Variants in ME1 observed in about 807,000 individuals in gnomAD.
ME1 encodes malic enzyme 1.
In ME1, 74 loss-of-function variants were observed where a neutral mutation model predicts 66.4. The ratio of observed to expected loss-of-function variants is 1.11; its 90% CI spans 0.92 to 1.35. ME1 has a LOEUF of 1.35. ME1 is among the 40% of genes most tolerant of loss of function. The pLI, the probability that ME1 is intolerant of heterozygous loss-of-function variation, is 0.00. For missense variants in ME1, 750 were observed against 694.1 expected, an observed-to-expected ratio of 1.08 and a Z score of -0.90; for synonymous variants, 251 against 235.6, an observed-to-expected ratio of 1.07 and a Z score of -0.60.
intron 6 of ME1, among the ~76,000 whole-genome samples, chr6:83,283,193 A>G (rs1266019905): frequency 7.8e-6 from 1 of 128,616 alleles, no homozygotes; most frequent in Admixed American, 8.6e-5. Flanking sequence ...GCGCCACTGC[A>G]CTCCAGCCTG....
intron 1 of ME1, among the ~76,000 whole-genome samples, chr6:83,427,591 G>A (rs1020295676): frequency 1.3e-5 from 2 of 152,092 alleles, no homozygotes; most frequent in African/African-American, 4.8e-5. Context: ...GCTGAGTTCT[G>A]TTTAAAGACA....
At chr6:83,428,203 G>C (rs1352695356) in intron 1 of ME1, among the ~76,000 whole-genome samples, 1 of 152,096 alleles carries the variant, frequency 6.6e-6, no homozygotes, top group African/African-American at 2.4e-5. Context: ...AAAGAATTAA[G>C]AGATTCAGCA....
chr6:83,302,500 A>G (rs554124585), intron 6 of ME1, among the ~76,000 whole-genome samples: 2 of 152,318 alleles, frequency 1.3e-5, no homozygotes, highest in East Asian at 3.9e-4. Context: ...CATATATTAT[A>G]AAGGAAGAGA....
At chr6:83,281,670 G>C (rs1303335649) in intron 6 of ME1, among the ~76,000 whole-genome samples, 1 of 151,634 alleles carries the variant, frequency 6.6e-6, no homozygotes, top group African/African-American at 2.4e-5. Flanking sequence ...GCCGAGTGTG[G>C]TGGTGGGAGT....
intron 3 of ME1, among the ~76,000 whole-genome samples, chr6:83,397,985 G>T (rs1769769380): frequency 6.6e-6 from 1 of 152,104 alleles, no homozygotes; most frequent in African/African-American, 2.4e-5. Flanking sequence ...AAAGGTAGGG[G>T]GAGCGGGTTG....
intron 3 of ME1, among the ~76,000 whole-genome samples, chr6:83,364,551 T>C (rs1683463541): frequency 6.6e-6 from 1 of 152,210 alleles, no homozygotes; most frequent in Non-Finnish European, 1.5e-5. Flanking sequence ...TAAGCAGTTC[T>C]GGTTCCTTTT....
At chr6:83,410,173 C>T (rs1770023370) in intron 1 of ME1, among the ~76,000 whole-genome samples, 1 of 152,104 alleles carries the variant, frequency 6.6e-6, no homozygotes, top group South Asian at 2.1e-4. Flanking sequence ...GTGCTTACAA[C>T]AGTGCCTGAC....
In ME1 at chr6:83,392,804, T is replaced by C. The variant is rs912480333; in HGVS notation, c.362+5563A>G. On this transcript the variant is annotated intron_variant, in intron 3 of 13. Coordinates refer to ENST00000369705, the MANE Select transcript of ME1 (RefSeq NM_002395.6). ...TCTGCACCCTCTGCTGATGCCCCCA[T>C]GTTCGTGATGGGTGTGAACCATGAG... The C allele has an allele frequency of 1.8e-5, 13 of 720,058 alleles. No homozygotes were observed. The African/African-American group carries it at 2.1e-4, about 12-fold the overall frequency. 44.6% of individuals were successfully genotyped at this position (720,058 alleles called of 1,614,324 possible). A position where few individuals can be genotyped will look rare whatever the true frequency, so the allele number is the denominator to read the frequency against.
intron 1 of ME1, among the ~76,000 whole-genome samples, chr6:83,409,371 T>G (rs1770004327): frequency 6.6e-6 from 1 of 152,194 alleles, no homozygotes; most frequent in Non-Finnish European, 1.5e-5. Flanking sequence ...CCCTGAAAGC[T>G]TCTTGCAATG....
chr6:83,348,481 T>C (rs2128544100), intron 4 of ME1, among the ~76,000 whole-genome samples: 1 of 152,278 alleles, frequency 6.6e-6, no homozygotes, highest in South Asian at 2.1e-4. Context: ...ATATTGTCAT[T>C]TAGCTTAGTT....
chr6:83,392,617 G>C (rs1306285503), intron 3 of ME1: 1 of 577,708 alleles, frequency 1.7e-6, no homozygotes, highest in Non-Finnish European at 3.3e-6. Flanking sequence ...CGGGAAGCTT[G>C]TTATCAATGG....
At chr6:83,260,680 T>C (rs990896586) in intron 6 of ME1, among the ~76,000 whole-genome samples, 3 of 152,314 alleles carry the variant, frequency 2.0e-5, no homozygotes, top group Admixed American at 1.3e-4. Context: ...CTCCCACTTA[T>C]AAGTGAGAAC....
At chr6:83,312,032 C>G (rs1170346) in intron 6 of ME1, among the ~76,000 whole-genome samples, 1 of 151,936 alleles carries the variant, frequency 6.6e-6, no homozygotes, top group Non-Finnish European at 1.5e-5. Context: ...ATTTTTAGAC[C>G]CAGAACCCAT....
intron 1 of ME1, among the ~76,000 whole-genome samples, chr6:83,414,501 C>T (rs1770122273): frequency 6.6e-6 from 1 of 152,056 alleles, no homozygotes; most frequent in Admixed American, 6.6e-5. Flanking sequence ...CTAAAATTTA[C>T]AGCAAAATAT....
chr6:83,297,838 T>C (rs756225452), intron 6 of ME1, among the ~76,000 whole-genome samples: 2 of 152,150 alleles, frequency 1.3e-5, no homozygotes, highest in Non-Finnish European at 2.9e-5. Flanking sequence ...CTGTGTAAGT[T>C]TGCTGAGGAT....
chr6:83,294,819 T>G (rs571357952), intron 6 of ME1, among the ~76,000 whole-genome samples: 2 of 152,136 alleles, frequency 1.3e-5, no homozygotes, highest in South Asian at 4.1e-4. Flanking sequence ...GCAATTGCAC[T>G]GATAGATTGC....
intron 2 of ME1, among the ~76,000 whole-genome samples, chr6:83,406,983 C>T (rs1769957664): frequency 6.6e-6 from 1 of 151,666 alleles, no homozygotes; most frequent in Non-Finnish European, 1.5e-5. Context: ...CACACACACA[C>T]ACACACACAC....
At chr6:83,233,001 G>A (rs868002305) in intron 9 of ME1, among the ~76,000 whole-genome samples, 7 of 152,148 alleles carry the variant, frequency 4.6e-5, no homozygotes, top group Admixed American at 2.6e-4. Context: ...TCGATCCTTC[G>A]TAAGGTCTGT....
chr6:83,318,145 A>C (rs1768072378), intron 5 of ME1, among the ~76,000 whole-genome samples: 1 of 149,772 alleles, frequency 6.7e-6, no homozygotes, highest in Non-Finnish European at 1.5e-5. Context: ...TTATACAAAA[A>C]TCAATTCAAG....
Sources: gnomAD v4.1 joint callset for allele counts (sites outside exome capture counted in the v4.1 genomes callset) on GRCh38, gnomAD v4.1.1 for gene constraint, MANE v1.5 for transcripts, NCBI Gene and HGNC (gene_info 2026-07-23, HGNC 2026-07-21) for gene names.